Variants in TBL1Y observed in about 807,000 individuals in gnomAD.
TBL1Y encodes the protein F-box-like/WD repeat-containing protein TBL1Y.
TBL1Y carries 15 observed loss-of-function variants against 12.0 expected under a neutral mutation model. That is an observed-to-expected ratio of 1.25 (90% CI 0.83 to 1.92). The LOEUF (loss-of-function observed/expected upper bound fraction) is 1.92, where lower values mean the gene tolerates loss of function less well. Among genes scored for constraint, TBL1Y ranks in the 40% most tolerant of loss-of-function variants. TBL1Y has a pLI of 0.00. For missense variants in TBL1Y, 148 were observed against 116.7 expected (o/e 1.27, Z -1.24); for synonymous variants, 53 against 42.6 (o/e 1.24, Z -0.95).
At chrY:7,079,610 G>C in intron 13 of TBL1Y, among the ~76,000 whole-genome samples, 1 of 34,125 alleles carries the variant, frequency 2.9e-5, no homozygotes, top group Non-Finnish European at 7.3e-5. Flanking sequence ...GTCAGGGAGA[G>C]TGTTGGTCAC....
chrY:6,959,452 C>G (rs2012107036), intron 2 of TBL1Y, among the ~76,000 whole-genome samples: 1 of 32,760 alleles, frequency 3.1e-5, no homozygotes, highest in Non-Finnish European at 7.5e-5. Flanking sequence ...CCATAGTCAT[C>G]ATGGCCCGTT....
At chrY:7,076,524 C>A (rs780394210) in intron 13 of TBL1Y, among the ~76,000 whole-genome samples, 4 of 32,856 alleles carry the variant, frequency 1.2e-4, no homozygotes, top group Non-Finnish European at 3.0e-4. Flanking sequence ...AGGAACACAG[C>A]TGTGAAGAGC....
chrY:7,088,401 T>C, intron 17 of TBL1Y, among the ~76,000 whole-genome samples: 1 of 32,108 alleles, frequency 3.1e-5, no homozygotes, highest in Non-Finnish European at 7.6e-5. Context: ...TCATGGGTGA[T>C]GAGCAATGTT....
chrY:7,029,513 T>C, intron 6 of TBL1Y, among the ~76,000 whole-genome samples: 2 of 33,892 alleles, frequency 5.9e-5, no homozygotes, highest in Non-Finnish European at 7.3e-5. Flanking sequence ...GTTCAAAGGA[T>C]CCTTCTACCT....
At chrY:7,062,622 G>A (rs1158179132) in intron 7 of TBL1Y, among the ~76,000 whole-genome samples, 4 of 32,758 alleles carry the variant, frequency 1.2e-4, no homozygotes, top group Admixed American at 2.7e-4. Context: ...AAGGTTCAAT[G>A]TCCGTTACTG....
At chrY:6,942,149 G>A in intron 2 of TBL1Y, among the ~76,000 whole-genome samples, 1 of 33,069 alleles carries the variant, frequency 3.0e-5, no homozygotes, top group Non-Finnish European at 7.4e-5. Context: ...GCAAGACATA[G>A]TGTTAAAAAA....
intron 2 of TBL1Y, among the ~76,000 whole-genome samples, chrY:6,975,928 T>A (rs2012237310): frequency 3.2e-5 from 1 of 31,128 alleles, no homozygotes; most frequent in Non-Finnish European, 7.7e-5. Flanking sequence ...TGTGTGTGTG[T>A]GAGTGTGTGT....
At chrY:7,031,861 G>A in intron 6 of TBL1Y, among the ~76,000 whole-genome samples, 1 of 33,436 alleles carries the variant, frequency 3.0e-5, no homozygotes, top group African/African-American at 1.2e-4. Flanking sequence ...CTACTTGTAA[G>A]GGATACCTTG....
chrY:7,086,059 G>A (rs2013130409), intron 15 of TBL1Y, 87 bp downstream of exon 15: 1 of 292,480 alleles, frequency 3.4e-6, no homozygotes. Flanking sequence ...ACTTGCATGA[G>A]GATTATTTGT....
At chrY:6,970,683 A>G (rs1017296686) in intron 2 of TBL1Y, among the ~76,000 whole-genome samples, 3 of 34,174 alleles carry the variant, frequency 8.8e-5, no homozygotes, top group African/African-American at 2.3e-4. Flanking sequence ...ACTGCACTGC[A>G]GACGCAGGCT....
intron 3 of TBL1Y, among the ~76,000 whole-genome samples, chrY:6,988,506 A>T: frequency 3.3e-5 from 1 of 30,733 alleles, no homozygotes; most frequent in Non-Finnish European, 7.7e-5. Context: ...ATAAAAATTT[A>T]AAAATTAGCT....
chrY:7,071,285 G>A, intron 10 of TBL1Y, among the ~76,000 whole-genome samples: 1 of 33,717 alleles, frequency 3.0e-5, no homozygotes, highest in African/African-American at 1.2e-4. Context: ...CCTGCAAAGC[G>A]TCATGATAAC....
At chrY:6,917,686 G>A in intron 2 of TBL1Y, among the ~76,000 whole-genome samples, 1 of 32,795 alleles carries the variant, frequency 3.0e-5, no homozygotes, top group Admixed American at 2.8e-4. Flanking sequence ...GCAGTGGAGC[G>A]GGGGCATTGC....
intron 2 of TBL1Y, among the ~76,000 whole-genome samples, chrY:6,959,132 A>T: frequency 3.0e-5 from 1 of 33,388 alleles, no homozygotes; most frequent in Non-Finnish European, 7.4e-5. Context: ...GTTTATTGAG[A>T]CTAGAGAATG....
chrY:6,998,109 A>C, intron 4 of TBL1Y, among the ~76,000 whole-genome samples: 1 of 34,074 alleles, frequency 2.9e-5, no homozygotes, highest in Admixed American at 2.6e-4. Context: ...CTCAGGGACC[A>C]ACCTGATAAA....
chrY:6,916,089 T>C (rs942088218), intron 2 of TBL1Y, among the ~76,000 whole-genome samples: 1 of 33,158 alleles, frequency 3.0e-5, no homozygotes, highest in Non-Finnish European at 7.4e-5. Flanking sequence ...AAAGGTAAAC[T>C]TTTTTCCCCC....
At chrY:6,934,986 TA>T (rs2011893609) in intron 2 of TBL1Y, among the ~76,000 whole-genome samples, 2 of 33,132 alleles carry the variant, frequency 6.0e-5, no homozygotes, top group African/African-American at 2.3e-4. Context: ...TAGCTGGGAC[TA>T]AATGCATGCC....
intron 6 of TBL1Y, among the ~76,000 whole-genome samples, chrY:7,026,778 G>A (rs186535705): frequency 1.1e-3 from 39 of 34,083 alleles, no homozygotes; most frequent in African/African-American, 3.8e-3. Flanking sequence ...ACAATAACGC[G>A]TAGACCTTGG....
intron 7 of TBL1Y, among the ~76,000 whole-genome samples, chrY:7,043,527 AAAATAAATAAAT>A (rs559433562): frequency 0.05 from 1,416 of 28,356 alleles, no homozygotes; most frequent in Non-Finnish European, 0.085. Context: ...CCATATATCT[AAAATAAATAAAT>A]AAATAAATAA....
Sources: allele counts gnomAD v4.1 joint callset (sites outside exome capture counted in the v4.1 genomes callset), GRCh38; gene constraint gnomAD v4.1.1; transcripts MANE v1.5; gene names NCBI Gene and HGNC (gene_info 2026-07-23, HGNC 2026-07-21).